CEP295: variants seen among roughly 807,000 people sequenced by gnomAD.
CEP295 encodes the protein centrosomal protein 295, also known as centrosomal protein of 295 kDa.
A neutral mutation model predicts 291.6 loss-of-function variants in CEP295; 190 were observed. The observed-to-expected ratio is 0.65, with a 90% CI of 0.58 to 0.73. CEP295 has a LOEUF of 0.73. CEP295 is among the 30% of genes least tolerant of loss of function. The probability of loss-of-function intolerance (pLI) is 0.00; values close to 1 mark genes in which losing one functional copy is unlikely to be tolerated. For synonymous variants in CEP295, 993 were observed against 1,038.8 expected, an observed-to-expected ratio of 0.96 and a Z score of 0.85; for missense variants, 2,863 against 2,949.4, an observed-to-expected ratio of 0.97 and a Z score of 0.68.
intron 12 of CEP295, 74 bp from the exon 13 acceptor site, chr11:93,695,423 T>C (rs759422683): frequency 1.9e-4 from 201 of 1,034,366 alleles, no homozygotes; most frequent in Non-Finnish European, 2.6e-4. Flanking sequence ...CTAATTTCTT[T>C]TAAATGGAAC....
chr11:93,693,557 A>G (rs1028934323), intron 12 of CEP295, among the ~76,000 whole-genome samples: 2 of 152,096 alleles, frequency 1.3e-5, no homozygotes, highest in African/African-American at 4.8e-5. Flanking sequence ...GGAGTTTGAG[A>G]CCAGCCTGGC....
At chr11:93,672,840 A>G (rs376524618) in intron 5 of CEP295, among the ~76,000 whole-genome samples, 2 of 152,146 alleles carry the variant, frequency 1.3e-5, no homozygotes, top group African/African-American at 4.8e-5. Context: ...GTTATAATCA[A>G]TAAGGATTCA....
At chr11:93,684,343 G>C (rs190491228) in intron 9 of CEP295, among the ~76,000 whole-genome samples, 1 of 152,302 alleles carries the variant, frequency 6.6e-6, no homozygotes, top group Non-Finnish European at 1.5e-5. Context: ...ACGTACAGAT[G>C]ATCTGAAGAT....
In CEP295 at chr11:93,699,520, A is replaced by G. The variant is rs190643907; in HGVS notation, c.4608A>G (p.Glu1536=). 1,492 of 1,551,862 alleles carry G rather than the reference A, an allele frequency of 9.6e-4. 20 individuals carry two copies. The African/African-American group carries it at 0.017, about 18-fold the overall frequency. Residue 1536 remains glutamate, a synonymous_variant, in exon 15 of 30, where the codon GAA becomes GAG. Coordinates refer to ENST00000325212, the MANE Select transcript of CEP295 (RefSeq NM_033395.2). ...AATTGCTTTTGCAAAGATTAAGTGA[A>G]TTGGAGAAAAGGGTATCATCTGAAC... is the stretch of plus-strand genomic sequence containing the variant. ...QEELLLQRLS[E]LEKRVSSEQV...
chr11:93,722,794 T>C (rs554414394), intron 20 of CEP295: 232 of 346,364 alleles, frequency 6.7e-4, no homozygotes, highest in Non-Finnish European at 1.1e-3. Context: ...AGTCTTGCTC[T>C]GTTGCCAGGC....
At chr11:93,726,119 T>G (rs1403842908) in intron 23 of CEP295, among the ~76,000 whole-genome samples, 1 of 152,018 alleles carries the variant, frequency 6.6e-6, no homozygotes, top group Non-Finnish European at 1.5e-5. Context: ...GTTTTTTTTG[T>G]TTTTGTTTTT....
rs559354005 is a variant in CEP295, at chr11:93,667,829, T to C, written c.309+22T>C. ...AAATGTGAGTGAGATCTTATTTGAC[T>C]ACCCTGTTGTGGCAGTAATATTAGT... On this transcript the variant is annotated intron_variant, in intron 3 of 29. Transcript: ENST00000325212. 1.3e-3 allele frequency: 1,943 copies of C among 1,466,110 alleles called. 3 individuals carry two copies. Among genetic ancestry groups the C allele is most frequent in the South Asian group, 3.9e-3 (305 of 78,280 alleles). The allele number at this position is 1,466,110 out of a possible 1,614,324, so 90.8% of individuals were successfully genotyped here.
At chr11:93,665,310 G>A (rs568115771) in intron 1 of CEP295, among the ~76,000 whole-genome samples, 1 of 152,330 alleles carries the variant, frequency 6.6e-6, no homozygotes, top group East Asian at 1.9e-4. Flanking sequence ...TAGAACTATA[G>A]ATTCTTATAT....
chr11:93,679,645 AG>A (rs1461072064), intron 7 of CEP295, 93 bp downstream of exon 7: 18 of 1,079,148 alleles, frequency 1.7e-5, no homozygotes, highest in Non-Finnish European at 1.3e-6. Context: ...AAAGGTAGGA[AG>A]GGTGGGTGTT....
intron 29 of CEP295, 37 bp from the exon 30 acceptor site, chr11:93,730,194 T>C (rs988527147): frequency 4.9e-5 from 76 of 1,551,178 alleles, no homozygotes; most frequent in Non-Finnish European, 6.5e-5. Context: ...AAGCATGAAG[T>C]ACACAACTGA....
chr11:93,698,949 C>G lies in CEP295; in HGVS notation c.4037C>G (p.Pro1346Arg). The G allele has an allele frequency of 1.3e-6, 2 of 1,551,404 alleles. No homozygotes were observed. The highest frequency in any genetic ancestry group is 1.7e-6 in the Non-Finnish European group (2 of 1,146,996). Residue 1346 changes from proline to arginine, a missense_variant, in exon 15 of 30, where the codon CCT becomes CGT. Pro to Arg is a moderately radical substitution (Grantham distance 103). Transcript: ENST00000325212. ...TTGAGGATATCGCAACTTATCCAGC[C>G]TCAACAAGATAATTTGAAGGCACTT... ...RLLRISQLIQPQQDNLKALQE... is the reference protein window; with the variant it reads ...RLLRISQLIQRQQDNLKALQE...
At chr11:93,690,837 ATC>A (rs1306126888) in intron 10 of CEP295, among the ~76,000 whole-genome samples, 1 of 151,084 alleles carries the variant, frequency 6.6e-6, no homozygotes, top group African/African-American at 2.4e-5. Flanking sequence ...ATGCACACTG[ATC>A]TCTCAGTTTC....
At position 93,698,982 on chromosome 11, in the gene CEP295, A is replaced by C. The variant is rs1253256706; in HGVS notation, c.4070A>C (p.Gln1357Pro). 6.5e-7 allele frequency: 1 copy of C among 1,550,346 alleles called. No homozygotes were observed. The highest frequency in any genetic ancestry group is 8.7e-7 in the Non-Finnish European group (1 of 1,147,018). ...GATAATTTGAAGGCACTTCAAGAAC[A>C]GTTAGCTACACAGAGAGAAGCCATC... ...QQDNLKALQE[Q>P]LATQREAIIL... Residue 1357 changes from glutamine to proline, a missense_variant, in exon 15 of 30, where the codon CAG becomes CCG. By Grantham distance (76) the Gln-to-Pro change is moderately conservative (BLOSUM62 -1). Transcript: ENST00000325212.
chr11:93,728,569 C>T, intron 24 of CEP295, 112 bp from the exon 25 acceptor site: 1 of 820,892 alleles, frequency 1.2e-6, no homozygotes, highest in Non-Finnish European at 1.8e-6. Flanking sequence ...TTTTCTTCCT[C>T]CATTTTCACA....
chr11:93,671,686 TG>T (rs1950456333), intron 5 of CEP295, among the ~76,000 whole-genome samples: 1 of 152,178 alleles, frequency 6.6e-6, no homozygotes, highest in South Asian at 2.1e-4. Flanking sequence ...TGTCTTGAGA[TG>T]GTTGTGAATT....
Position 93,697,380 on chromosome 11 carries a change from A to G in CEP295, c.2468A>G (p.His823Arg), listed in dbSNP as rs1179709357. The G allele has an allele frequency of 6.4e-7, 1 of 1,552,152 alleles. No individual in the cohort carries two copies. The highest frequency in any genetic ancestry group is 2.0e-5 in the Admixed American group (1 of 51,002). ...AGCAAAAGTACAGTTTCCACAAGCC[A>G]TTCTATAATCAGCCAAATGCATGAT... ...AMSKSTVSTSHSIISQMHDRP... is the reference protein window; with the variant it reads ...AMSKSTVSTSRSIISQMHDRP... Residue 823 changes from histidine (H) to arginine (R), a missense_variant, in exon 15 of 30, where the codon CAT (histidine) becomes CGT (arginine). By Grantham distance (29) the His-to-Arg change is conservative. Coordinates refer to ENST00000325212, the MANE Select transcript of CEP295 (RefSeq NM_033395.2).
At chr11:93,687,394 GT>G (rs1951296341) in intron 9 of CEP295, among the ~76,000 whole-genome samples, 2 of 152,126 alleles carry the variant, frequency 1.3e-5, no homozygotes, top group African/African-American at 4.8e-5. Context: ...TGATATTTGT[GT>G]TGCATACATG....
Position 93,679,510 on chromosome 11 carries a change from T to C in CEP295, c.723T>C (p.His241=). The change falls in exon 7 of 30, where the codon CAT becomes CAC. Residue 241 remains histidine (H), a synonymous_variant. Coordinates refer to ENST00000325212, the MANE Select transcript of CEP295 (RefSeq NM_033395.2). ...QERMERFEKA[H]VRGFQAMKKI... Reference sequence around the variant, plus strand: ...GAATGGAACGGTTTGAAAAGGCACATGTACGGGGATTCCAAGCAATGAAGA... The same window carrying C: ...GAATGGAACGGTTTGAAAAGGCACACGTACGGGGATTCCAAGCAATGAAGA... The C allele has an allele frequency of 6.4e-7, 1 of 1,551,376 alleles. No homozygotes were observed. Among genetic ancestry groups the C allele is most frequent in the Non-Finnish European group, 8.7e-7 (1 of 1,146,826 alleles).
Position 93,706,754 on chromosome 11 carries a change from G to C in CEP295, c.5606G>C (p.Gly1869Ala). Residue 1869 changes from glycine to alanine, a missense_variant, in exon 18 of 30, where the codon GGT (glycine) becomes GCT (alanine). Transcript: ENST00000325212. Reference sequence around the variant, plus strand: ...ATTTTTTCCCCCCCAGGTAAACCAGGTATTTATGAAGACAGAGACCCCCTG... The same window carrying C: ...ATTTTTTCCCCCCCAGGTAAACCAGCTATTTATGAAGACAGAGACCCCCTG... ...IGRTSILGKP[G>A]IYEDRDPLRV... The C allele has an allele frequency of 6.5e-7, 1 of 1,533,316 alleles. No individual in the cohort carries two copies. Among genetic ancestry groups the C allele is most frequent in the Non-Finnish European group, 8.8e-7 (1 of 1,139,970 alleles). The allele number at this position is 1,533,316 out of a possible 1,614,324, so 95.0% of individuals were successfully genotyped here. A position where few individuals can be genotyped will look rare whatever the true frequency, so the allele number is the denominator to read the frequency against.
Sources: gnomAD v4.1 joint callset for allele counts (sites outside exome capture counted in the v4.1 genomes callset) on GRCh38, gnomAD v4.1.1 for gene constraint, MANE v1.5 for transcripts, NCBI Gene and HGNC (gene_info 2026-07-23, HGNC 2026-07-21) for gene names.